FYCO1: variants seen among roughly 807,000 people sequenced by gnomAD.
The protein encoded by FYCO1 is FYVE and coiled-coil domain-containing protein 1.
A neutral mutation model predicts 165.1 loss-of-function variants in FYCO1; 122 were observed. The observed-to-expected ratio is 0.74, with a 90% CI of 0.64 to 0.86. The LOEUF (loss-of-function observed/expected upper bound fraction) is 0.86. Among genes scored for constraint, FYCO1 ranks in the 40% least tolerant of loss-of-function variants. FYCO1 has a pLI of 0.00. For synonymous variants in FYCO1, 648 were observed against 742.5 expected, an observed-to-expected ratio of 0.87 and a Z score of 2.07; for missense variants, 1,702 against 1,810.3, an observed-to-expected ratio of 0.94 and a Z score of 1.09.
chr3:45,979,215 AG>A (rs1206502642), intron 4 of FYCO1, among the ~76,000 whole-genome samples: 1 of 152,262 alleles, frequency 6.6e-6, no homozygotes, highest in East Asian at 1.9e-4. Flanking sequence ...TGAGGGGCGC[AG>A]AATTTAAAGT....
intron 15 of FYCO1, among the ~76,000 whole-genome samples, chr3:45,934,373 G>A (rs1340391178): frequency 6.6e-6 from 1 of 152,146 alleles, no homozygotes; most frequent in African/African-American, 2.4e-5. Flanking sequence ...AAAAGACAAA[G>A]AAAAAACTTG....
intron 14 of FYCO1, among the ~76,000 whole-genome samples, chr3:45,953,018 A>T (rs6764244): frequency 0.84 from 127,764 of 152,178 alleles, 54,307 homozygotes; most frequent in East Asian, 1. Flanking sequence ...GAAGTGACAG[A>T]AGTAGACATG....
chr3:45,966,681 C>G lies in FYCO1; in HGVS notation c.2653G>C (p.Glu885Gln). 9 of 1,613,970 alleles carry G rather than the reference C, an allele frequency of 5.6e-6. No individual in the cohort carries two copies. The highest frequency in any genetic ancestry group is 7.6e-6 in the Non-Finnish European group (9 of 1,180,008). ...EELSQAKCSS[E>Q]EAQLEHAELQ... ...TCAGCGTGCTCCAGCTGTGCTTCCTCGGAGCTGCATTTGGCCTGGGACAGC... is the reference window on the plus strand; with the variant it reads ...TCAGCGTGCTCCAGCTGTGCTTCCTGGGAGCTGCATTTGGCCTGGGACAGC... Residue 885 changes from glutamate (E) to glutamine (Q), a missense_variant, in exon 8 of 18, where the codon GAG becomes CAG. By Grantham distance (29) the Glu-to-Gln change is conservative (BLOSUM62 2). Transcript: ENST00000296137.
chr3:45,954,083 C>T (rs1379231863), intron 14 of FYCO1, among the ~76,000 whole-genome samples: 3 of 152,214 alleles, frequency 2.0e-5, no homozygotes, highest in Admixed American at 6.5e-5. Flanking sequence ...TTGGGCCTTG[C>T]CTTCCCTTCC....
chr3:45,935,582 GC>G (rs1433267678), intron 15 of FYCO1, among the ~76,000 whole-genome samples: 2 of 152,142 alleles, frequency 1.3e-5, no homozygotes, highest in East Asian at 3.9e-4. Context: ...TAGATGCCTG[GC>G]AACTCCTTCA....
intron 10 of FYCO1, among the ~76,000 whole-genome samples, chr3:45,963,337 T>TGA (rs1440843296): frequency 6.6e-6 from 1 of 152,172 alleles, no homozygotes; most frequent in African/African-American, 2.4e-5. Context: ...AAACCACTGT[T>TGA]TATCATGTTT....
chr3:45,986,727 G>C (rs1006835490), intron 1 of FYCO1, among the ~76,000 whole-genome samples: 1 of 152,128 alleles, frequency 6.6e-6, no homozygotes, highest in Non-Finnish European at 1.5e-5. Context: ...CTGAGGATGG[G>C]AGTGCTTTAT....
In FYCO1 at chr3:45,919,172, T is replaced by A. The variant is rs989786267; in HGVS notation, c.*2593A>T. On this transcript the variant is annotated 3_prime_UTR_variant, in exon 18 of 18. Coordinates refer to ENST00000296137, the MANE Select transcript of FYCO1 (RefSeq NM_024513.4). ...CCAGGGCTACCACCTGCAGCAGTGG[T>A]TCTTCAATTGCTATTTGCATTTCTT... 10 of 152,160 alleles carry A rather than the reference T, an allele frequency of 6.6e-5. No individual in the cohort carries two copies. Among genetic ancestry groups the A allele is most frequent in the Admixed American group, 5.9e-4 (9 of 15,278 alleles). 9.4% of individuals were successfully genotyped at this position (152,160 alleles called of 1,614,324 possible).
chr3:45,959,137 G>A (rs1369243692), intron 12 of FYCO1, among the ~76,000 whole-genome samples: 1 of 152,208 alleles, frequency 6.6e-6, no homozygotes, highest in East Asian at 1.9e-4. Flanking sequence ...CTCTGGGTAT[G>A]CCCCATCCCT....
At chr3:45,988,535 G>T (rs1261124080) in intron 1 of FYCO1, among the ~76,000 whole-genome samples, 1 of 152,066 alleles carries the variant, frequency 6.6e-6, no homozygotes, top group Non-Finnish European at 1.5e-5. Context: ...AGGACTCCAG[G>T]ACTCACACAC....
chr3:45,968,853 C>A, intron 7 of FYCO1, 150 bp from the exon 8 acceptor site: 1 of 960,282 alleles, frequency 1.0e-6, no homozygotes. Context: ...AGACTAGAAT[C>A]CCTTTGCTCA....
intron 4 of FYCO1, 34 bp downstream of exon 4, chr3:45,979,671 C>A (rs759439908): frequency 6.8e-6 from 11 of 1,612,190 alleles, no homozygotes; most frequent in Admixed American, 1.7e-5. Context: ...GGCAAAAGGA[C>A]GACATGAAGT....
chr3:45,985,958 GC>G (rs1377849463), intron 1 of FYCO1, among the ~76,000 whole-genome samples: 4 of 152,248 alleles, frequency 2.6e-5, no homozygotes, highest in African/African-American at 9.6e-5. Context: ...ACTAGAGTTG[GC>G]TGTGGTGGCA....
chr3:45,968,805 A>T (rs1706263788), intron 7 of FYCO1, 102 bp from the exon 8 acceptor site: 22 of 1,338,178 alleles, frequency 1.6e-5, no homozygotes, highest in Non-Finnish European at 2.3e-5. Context: ...AAATACAGGC[A>T]TTACCTGCCC....
In FYCO1 at chr3:45,968,213, A is replaced by T. The variant is rs139604029; in HGVS notation, c.1121T>A (p.Met374Lys). Residue 374 changes from methionine (M) to lysine (K), a missense_variant, in exon 8 of 18, where the codon ATG becomes AAG. Coordinates refer to ENST00000296137, the MANE Select transcript of FYCO1 (RefSeq NM_024513.4). Reference protein sequence around the residue: ...HLASFPGWLAMAQQKADTASD... With the variant: ...HLASFPGWLAKAQQKADTASD... The stretch of plus-strand genomic sequence containing the variant: ...TGCCGTATCTGCCTTCTGCTGAGCC[A>T]TGGCTAGCCAGCCTGGGAAGCTGGC... 1.9e-6 allele frequency: 3 copies of T among 1,613,768 alleles called. No individual in the cohort carries two copies. The highest frequency in any genetic ancestry group is 2.5e-6 in the Non-Finnish European group (3 of 1,180,024).
chr3:45,939,322 C>G (rs1194508303), intron 14 of FYCO1, among the ~76,000 whole-genome samples: 1 of 152,206 alleles, frequency 6.6e-6, no homozygotes, highest in East Asian at 1.9e-4. Context: ...CAAAGGAGGA[C>G]ATACCCAAGG....
At position 45,962,547 on chromosome 3, in the gene FYCO1, T is replaced by C. The variant is rs1412971322; in HGVS notation, c.3270-155A>G. ...CACAGCTTATGCAGTCCCCTAGCTT[T>C]TGAGACTCTCCTCTCACCCCCACAT... On this transcript the variant is annotated intron_variant, in intron 10 of 17. Transcript: ENST00000296137. This position sits in a 1 kb window ranked among gnomAD's most constrained non-coding sequence, Gnocchi z 4.4. Among the ~76,000 whole-genome samples, 1 of 152,118 alleles carries C rather than the reference T, an allele frequency of 6.6e-6. No individual in the cohort carries two copies. Among genetic ancestry groups the C allele is most frequent in the African/African-American group, 2.4e-5 (1 of 41,412 alleles).
chr3:45,947,131 C>G (rs1478101313), intron 14 of FYCO1: 1 of 1,614,098 alleles, frequency 6.2e-7, no homozygotes, highest in Non-Finnish European at 8.5e-7. Context: ...ATAATCAAAA[C>G]ACTGCTTCAT....
Position 45,923,673 on chromosome 3 carries a change from G to C in FYCO1, c.4344C>G (p.Phe1448Leu). 1 of 1,613,122 alleles carries C rather than the reference G, an allele frequency of 6.2e-7. No individual in the cohort carries two copies. The highest frequency in any genetic ancestry group is 8.5e-7 in the Non-Finnish European group (1 of 1,179,036). The change falls in exon 17 of 18, where the codon TTC becomes TTG. Residue 1448 changes from phenylalanine to leucine, a missense_variant. Transcript: ENST00000296137. The part of the protein sequence containing the change: ...VRTPGIYMLI[F>L]DNTFSRFVSK... ...GGCCCTACCTTGAGAAGGTATTGTC[G>C]AAGATGAGCATGTAGATGCCGGGTG...
Sources: allele counts gnomAD v4.1 joint callset (sites outside exome capture counted in the v4.1 genomes callset), GRCh38; gene constraint gnomAD v4.1.1; non-coding constraint Gnocchi (gnomAD v3.1); transcripts MANE v1.5; gene names NCBI Gene and HGNC (gene_info 2026-07-23, HGNC 2026-07-21).